GRIK1: variants seen among roughly 807,000 people sequenced by gnomAD.
GRIK1 encodes glutamate receptor ionotropic, kainate 1.
GRIK1 carries 69 observed loss-of-function variants against 105.7 expected under a neutral mutation model. That is an observed-to-expected ratio of 0.65 (90% CI 0.54 to 0.80). The LOEUF is 0.80. GRIK1 is among the 30% of genes least tolerant of loss of function. The pLI is 0.00. For synonymous variants in GRIK1, 438 were observed against 431.3 expected (o/e 1.02, Z -0.19); for missense variants, 1,109 against 1,167.3 (o/e 0.95, Z 0.73).
At chr21:29,750,026 A>G (rs1352380917) in intron 1 of GRIK1, among the ~76,000 whole-genome samples, 1 of 152,088 alleles carries the variant, frequency 6.6e-6, no homozygotes, top group Non-Finnish European at 1.5e-5. Flanking sequence ...ATAGAAGAGT[A>G]TTAGTAGTAT....
At chr21:29,709,368 T>A (rs1467239677) in intron 1 of GRIK1, among the ~76,000 whole-genome samples, 1 of 150,184 alleles carries the variant, frequency 6.7e-6, no homozygotes, top group Non-Finnish European at 1.5e-5. Flanking sequence ...GAAACCTCCG[T>A]CTCCCGGGCT....
intron 1 of GRIK1, among the ~76,000 whole-genome samples, chr21:29,860,015 C>T (rs1007957528): frequency 6.6e-6 from 1 of 152,156 alleles, no homozygotes; most frequent in Non-Finnish European, 1.5e-5. Flanking sequence ...ATATATTGCT[C>T]TTCATTTACA....
At chr21:29,681,892 A>T (rs1023255405) in intron 3 of GRIK1, among the ~76,000 whole-genome samples, 8 of 152,216 alleles carry the variant, frequency 5.3e-5, no homozygotes, top group African/African-American at 1.9e-4. Context: ...ATGATCTACC[A>T]GGGTGGCATC....
At chr21:29,765,592 A>G (rs2065641279) in intron 1 of GRIK1, among the ~76,000 whole-genome samples, 1 of 152,046 alleles carries the variant, frequency 6.6e-6, no homozygotes, top group Non-Finnish European at 1.5e-5. Context: ...AGTTACTGAG[A>G]GGGCCTTTAG....
intron 1 of GRIK1, among the ~76,000 whole-genome samples, chr21:29,750,425 A>C (rs1329532564): frequency 6.6e-6 from 1 of 152,176 alleles, no homozygotes; most frequent in Admixed American, 6.6e-5. Context: ...AACAGTGACG[A>C]CAGGAGGCAT....
At chr21:29,550,806 G>A (rs1225109150) in intron 16 of GRIK1, among the ~76,000 whole-genome samples, 1 of 152,168 alleles carries the variant, frequency 6.6e-6, no homozygotes, top group East Asian at 1.9e-4. Context: ...GGTACCAACA[G>A]TTGTTAACGG....
At chr21:29,727,516 C>T (rs1167122051) in intron 1 of GRIK1, among the ~76,000 whole-genome samples, 1 of 152,098 alleles carries the variant, frequency 6.6e-6, no homozygotes, top group African/African-American at 2.4e-5. Context: ...AGGAGAGGGC[C>T]AGGCCACCCA....
intron 1 of GRIK1, among the ~76,000 whole-genome samples, chr21:29,894,638 C>G (rs1202842321): frequency 6.6e-6 from 1 of 152,076 alleles, no homozygotes; most frequent in East Asian, 1.9e-4. Context: ...TTGCGTCCTT[C>G]AATCCAATGA....
intron 1 of GRIK1, among the ~76,000 whole-genome samples, chr21:29,711,468 A>G (rs2064047595): frequency 6.6e-6 from 1 of 152,094 alleles, no homozygotes; most frequent in African/African-American, 2.4e-5. Context: ...TTTTCCAGAC[A>G]ATAACAAGAT....
chr21:29,689,214 C>G (rs1021548175), intron 3 of GRIK1, among the ~76,000 whole-genome samples: 1 of 152,138 alleles, frequency 6.6e-6, no homozygotes, highest in Non-Finnish European at 1.5e-5. Flanking sequence ...CCTGAACAAG[C>G]ACATGGAGCA....
chr21:29,688,811 TG>T (rs2063532303), intron 3 of GRIK1, among the ~76,000 whole-genome samples: 1 of 152,032 alleles, frequency 6.6e-6, no homozygotes. Context: ...TTCACCACCG[TG>T]AAGGTCGTGC....
chr21:29,556,222 A>C (rs1429602017), intron 15 of GRIK1, among the ~76,000 whole-genome samples: 1 of 152,220 alleles, frequency 6.6e-6, no homozygotes. Context: ...TGCATGTGTC[A>C]GGATCATCTT....
At chr21:29,737,098 A>C (rs986588045) in intron 1 of GRIK1, among the ~76,000 whole-genome samples, 13 of 152,190 alleles carry the variant, frequency 8.5e-5, no homozygotes, top group African/African-American at 3.1e-4. Context: ...TTTACCCACA[A>C]TATGAAAGTC....
At chr21:29,675,712 T>A (rs1231688230) in intron 3 of GRIK1, among the ~76,000 whole-genome samples, 1 of 152,206 alleles carries the variant, frequency 6.6e-6, no homozygotes. Context: ...TCAACTCTCT[T>A]GAGGTAGATG....
intron 1 of GRIK1, among the ~76,000 whole-genome samples, chr21:29,795,342 A>G (rs1386448374): frequency 1.3e-5 from 2 of 151,792 alleles, no homozygotes. Context: ...AGTCTGCTCT[A>G]TTTTAAGATT....
chr21:29,617,798 A>G (rs1263835425), intron 7 of GRIK1, among the ~76,000 whole-genome samples: 1 of 152,196 alleles, frequency 6.6e-6, no homozygotes, highest in East Asian at 1.9e-4. Context: ...TTCAGGCCAA[A>G]CGGCATGCTG....
chr21:29,537,373 T>C lies in GRIK1; in HGVS notation c.2707A>G (p.Asn903Asp). Residue 903 changes from asparagine (N) to aspartate (D), a missense_variant, in exon 18 of 18, where the codon AAC (asparagine) becomes GAC (aspartate). Asn to Asp is a conservative substitution (Grantham distance 23, BLOSUM62 1). Transcript: ENST00000327783. ...ATTCCCAGTTCTTCCATGATAGCGT[T>C]GAAAGAGAGACACTAGGGAACATGA... Reference protein sequence around the residue: ...SLGVEKCLSFNAIMEELGISL... With the variant: ...SLGVEKCLSFDAIMEELGISL... 2 of 1,610,812 alleles carry C rather than the reference T, an allele frequency of 1.2e-6. No individual in the cohort carries two copies. The highest frequency in any genetic ancestry group is 1.7e-6 in the Non-Finnish European group (2 of 1,178,222).
At chr21:29,930,107 G>T (rs543918479) in intron 1 of GRIK1, among the ~76,000 whole-genome samples, 1 of 152,106 alleles carries the variant, frequency 6.6e-6, no homozygotes, top group Non-Finnish European at 1.5e-5. Flanking sequence ...ATTTATAAAG[G>T]TTCTTGCCAA....
At chr21:29,822,962 G>A (rs1350400016) in intron 1 of GRIK1, among the ~76,000 whole-genome samples, 1 of 151,950 alleles carries the variant, frequency 6.6e-6, no homozygotes, top group East Asian at 1.9e-4. Context: ...AGGATGAGAA[G>A]GGGCTGGGAC....
Sources: allele counts gnomAD v4.1 joint callset (sites outside exome capture counted in the v4.1 genomes callset), GRCh38; gene constraint gnomAD v4.1.1; transcripts MANE v1.5; gene names NCBI Gene and HGNC (gene_info 2026-07-23, HGNC 2026-07-21).